CRYBG2: variants seen among roughly 807,000 people sequenced by gnomAD.
The protein encoded by CRYBG2 is beta/gamma crystallin domain-containing protein 2.
A neutral mutation model predicts 153.4 loss-of-function variants in CRYBG2; 106 were observed. The observed-to-expected ratio is 0.69, with a 90% CI of 0.59 to 0.81. CRYBG2 has a LOEUF of 0.81. Among genes scored for constraint, CRYBG2 ranks in the 30% least tolerant of loss-of-function variants. The pLI, the probability that CRYBG2 is intolerant of heterozygous loss-of-function variation, is 0.00. For synonymous variants in CRYBG2, 851 were observed against 877.8 expected, an observed-to-expected ratio of 0.97 and a Z score of 0.54; for missense variants, 1,996 against 2,112.0, an observed-to-expected ratio of 0.95 and a Z score of 1.08.
At chr1:26,332,306 CAAAAAAA>C (rs567865951) in intron 14 of CRYBG2, among the ~76,000 whole-genome samples, 3 of 71,466 alleles carry the variant, frequency 4.2e-5, no homozygotes, top group East Asian at 4.1e-4. Context: ...GACTCCGTGT[CAAAAAAA>C]AAAAAAAAAA....
At position 26,343,442 on chromosome 1, in the gene CRYBG2, A is replaced by C; in HGVS notation, c.2914-149T>G. 2.9e-6 allele frequency: 3 copies of C among 1,026,014 alleles called. No individual in the cohort carries two copies. Among genetic ancestry groups the C allele is most frequent in the Admixed American group, 2.1e-5 (1 of 48,414 alleles). 63.6% of individuals were successfully genotyped at this position (1,026,014 alleles called of 1,614,324 possible). A position where few individuals can be genotyped will look rare whatever the true frequency, so the allele number is the denominator to read the frequency against. On this transcript the variant is annotated intron_variant, in intron 2 of 19. Coordinates refer to ENST00000308182, the MANE Select transcript of CRYBG2 (RefSeq NM_001039775.4). The surrounding 1 kb of genome is among the most constrained non-coding windows in gnomAD (Gnocchi z 4.1). ...TAGAGGATGCTCACACTTGTTCCCA[A>C]CCCCCAAGGGCCTCATCACCCTGTC... is the stretch of plus-strand genomic sequence containing the variant.
rs1438234399 is a variant in CRYBG2, at chr1:26,339,440, A to C, written c.3205-11T>G. On this transcript the variant is annotated splice_polypyrimidine_tract_variant and intron_variant, in intron 5 of 19. Coordinates refer to ENST00000308182, the MANE Select transcript of CRYBG2 (RefSeq NM_001039775.4). Reference sequence around the variant, plus strand: ...CGGGGTGCTGTAGTCCTGTGGAAGGAGGGGGAAAATTAAATATAGATAAAC... The same window carrying C: ...CGGGGTGCTGTAGTCCTGTGGAAGGCGGGGGAAAATTAAATATAGATAAAC... 6.2e-7 allele frequency: 1 copy of C among 1,613,422 alleles called. No homozygotes were observed. Among genetic ancestry groups the C allele is most frequent in the East Asian group, 2.2e-5 (1 of 44,880 alleles).
rs546329526 is a variant in CRYBG2 at position 26,329,080 on chromosome 1, G to C, written c.4315-207C>G. ...CAGTAAGCGCTAGGCTGGGTCCCCA[G>C]TTTCCCCCTCAAACCTCCTCTCCAG... On this transcript the variant is annotated intron_variant, in intron 15 of 19. Coordinates refer to ENST00000308182, the MANE Select transcript of CRYBG2 (RefSeq NM_001039775.4). Among the ~76,000 whole-genome samples, 11 of 151,106 alleles carry C rather than the reference G, an allele frequency of 7.3e-5. No homozygotes were observed. The East Asian group carries it at 2.1e-3, about 29-fold the overall frequency.
chr1:26,352,054 G>A (rs566917840), intron 1 of CRYBG2, among the ~76,000 whole-genome samples: 73 of 152,132 alleles, frequency 4.8e-4, no homozygotes, highest in African/African-American at 7.7e-4. Context: ...AGGAGGGGGC[G>A]GGGGGAGTGT....
At chr1:26,348,889 C>T (rs2074256073) in intron 1 of CRYBG2, among the ~76,000 whole-genome samples, 1 of 142,794 alleles carries the variant, frequency 7.0e-6, no homozygotes, top group South Asian at 2.6e-4. Context: ...AAAAATAAGG[C>T]TGGGTGCGGT....
Position 26,337,636 on chromosome 1 carries a change from G to C in CRYBG2, c.3546C>G (p.Ser1182Arg), listed in dbSNP as rs754909336. 1 of 1,612,886 alleles carries C rather than the reference G, an allele frequency of 6.2e-7. No homozygotes were observed. The change falls in exon 9 of 20, where the codon AGC (serine) becomes AGG (arginine). Residue 1182 changes from serine to arginine, a missense_variant. Transcript: ENST00000308182. ...VYEAPGFQGR[S>R]WEVSRDIYNL... ...TGTAGATGTCTCGGCTCACTTCCCA[G>C]CTGCGGCCCTGAAAGCCTGGGGCCT...
intron 15 of CRYBG2, among the ~76,000 whole-genome samples, chr1:26,329,173 C>CTT (rs35855833): frequency 0.018 from 1,748 of 98,576 alleles, 86 homozygotes; most frequent in African/African-American, 0.031. Context: ...TTATTCTAGG[C>CTT]TTTTTTTTTT....
rs757327654 is a variant in CRYBG2 at position 26,336,831 on chromosome 1, G to C, written c.3911+10C>G. ...GGGCCCGCCCCGCTCCCGGAGCCCG[G>C]GTCACTTACACGCCGCTGAGCACGT... On this transcript the variant is annotated intron_variant, in intron 11 of 19. Transcript: ENST00000308182. The surrounding 1 kb of genome is among the most constrained non-coding windows in gnomAD (Gnocchi z 4.9). 1 of 1,581,634 alleles carries C rather than the reference G, an allele frequency of 6.3e-7. No individual in the cohort carries two copies.
In CRYBG2 at chr1:26,336,035, C is replaced by T; in HGVS notation, c.4184+60G>A. The T allele has an allele frequency of 7.6e-7, 1 of 1,310,628 alleles. No individual in the cohort carries two copies. Among genetic ancestry groups the T allele is most frequent in the Non-Finnish European group, 1.0e-6 (1 of 975,280 alleles). The allele number at this position is 1,310,628 out of a possible 1,614,324, so 81.2% of individuals were successfully genotyped here. ...GGAAGGAAATCATTTGAAAGACTCT[C>T]CTCCTGCAGCCCCGCCTCTGCCCCA... On this transcript the variant is annotated intron_variant, in intron 14 of 19. Transcript: ENST00000308182. This position sits in a 1 kb window ranked among gnomAD's most constrained non-coding sequence, Gnocchi z 4.9.
chr1:26,339,483 C>T (rs943986445), intron 5 of CRYBG2, 54 bp from the exon 6 acceptor site: 5 of 1,598,762 alleles, frequency 3.1e-6, no homozygotes, highest in Non-Finnish European at 4.3e-6. Context: ...CGTGGTGGCT[C>T]ACGCCTGTAA....
At chr1:26,334,277 T>G (rs1437725835) in intron 14 of CRYBG2, among the ~76,000 whole-genome samples, 4 of 152,112 alleles carry the variant, frequency 2.6e-5, no homozygotes, top group African/African-American at 9.6e-5. Flanking sequence ...GTTAAAAAAT[T>G]AGCCGGGCGC....
At position 26,345,912 on chromosome 1, in the gene CRYBG2, G is replaced by A. The variant is rs771202101; in HGVS notation, c.746C>T (p.Pro249Leu). Residue 249 changes from proline to leucine, a missense_variant, in exon 2 of 20, where the codon CCT becomes CTT. By Grantham distance (98) the Pro-to-Leu change is moderately conservative. Coordinates refer to ENST00000308182, the MANE Select transcript of CRYBG2 (RefSeq NM_001039775.4). ...SNLVPAGHSP[P>L]ASHLPRPTAG... ...CGTGGGCCTGGGCAGGTGACTGGCA[G>A]GGGGGCTGTGCCCAGCAGGCACGAG... The A allele has an allele frequency of 8.1e-6, 13 of 1,597,036 alleles. No homozygotes were observed. Among genetic ancestry groups the A allele is most frequent in the Middle Eastern group, 1.6e-4 (1 of 6,072 alleles).
At position 26,343,640 on chromosome 1, in the gene CRYBG2, C is replaced by G. The variant is rs1001413232; in HGVS notation, c.2913+105G>C. ...ACTGAACCAGACTTCAGACAGAAGCCTCTGCCCCCAGACTCTGACTCCCAG... is the reference window on the plus strand; with the variant it reads ...ACTGAACCAGACTTCAGACAGAAGCGTCTGCCCCCAGACTCTGACTCCCAG... On this transcript the variant is annotated intron_variant, in intron 2 of 19. Transcript: ENST00000308182. The surrounding 1 kb of genome is among the most constrained non-coding windows in gnomAD (Gnocchi z 4.1). 8.9e-6 allele frequency: 12 copies of G among 1,354,856 alleles called. No individual in the cohort carries two copies. In the African/African-American group the frequency reaches 1.5e-4, roughly 17 times the overall value. 83.9% of individuals were successfully genotyped at this position (1,354,856 alleles called of 1,614,324 possible).
At position 26,346,939 on chromosome 1, in the gene CRYBG2, G is replaced by T. The variant is rs914655406; in HGVS notation, c.-55-227C>A. 1.3e-5 allele frequency among the ~76,000 whole-genome samples: 2 copies of T among 152,180 alleles called. No homozygotes were observed. The highest frequency in any genetic ancestry group is 2.9e-5 in the Non-Finnish European group (2 of 68,024). On this transcript the variant is annotated intron_variant, in intron 1 of 19. Transcript: ENST00000308182. This position sits in a 1 kb window ranked among gnomAD's most constrained non-coding sequence, Gnocchi z 4.9. ...TCCCTGACTTTCAGGTGATCTCCTA[G>T]GTCAGGGTCCTTCAAAGGTGAAGCT...
chr1:26,346,094 C>T lies in CRYBG2; in HGVS notation c.564G>A (p.Val188=). Residue 188 remains valine, a synonymous_variant, in exon 2 of 20, where the codon GTG becomes GTA. Transcript: ENST00000308182. This position sits in a 1 kb window ranked among gnomAD's most constrained non-coding sequence, Gnocchi z 4.9. ...TCACAGAGCTGCTCATCCGCCGGTC[C>T]ACATGACCTCCCACCACTGTGGTGG... ...VRTTTVVGGH[V]DRRMSSSVTV... The T allele has an allele frequency of 1.3e-6, 2 of 1,575,708 alleles. No homozygotes were observed. The highest frequency in any genetic ancestry group is 1.7e-6 in the Non-Finnish European group (2 of 1,165,372).
intron 1 of CRYBG2, among the ~76,000 whole-genome samples, chr1:26,349,934 C>A (rs1319761626): frequency 6.6e-6 from 1 of 151,692 alleles, no homozygotes; most frequent in Non-Finnish European, 1.5e-5. Context: ...CCCACCTCAG[C>A]CCACCGAGTA....
chr1:26,340,107 C>T (rs1257528255), intron 5 of CRYBG2, among the ~76,000 whole-genome samples: 1 of 152,224 alleles, frequency 6.6e-6, no homozygotes, highest in Non-Finnish European at 1.5e-5. Flanking sequence ...GGTACGGTTC[C>T]TGCCTCTGTC....
At chr1:26,347,284 GTTTTTTTT>G (rs1198055868) in intron 1 of CRYBG2, among the ~76,000 whole-genome samples, 2 of 73,876 alleles carry the variant, frequency 2.7e-5, no homozygotes, top group East Asian at 4.7e-4. Flanking sequence ...CTCCCCCTGC[GTTTTTTTT>G]TTTTTTTTTT....
chr1:26,334,518 A>G (rs2074031324), intron 14 of CRYBG2, among the ~76,000 whole-genome samples: 1 of 152,264 alleles, frequency 6.6e-6, no homozygotes, highest in Admixed American at 6.5e-5. Context: ...ATTGTATATT[A>G]GGTTGGTGAC....
Sources: gnomAD v4.1 joint callset for allele counts (sites outside exome capture counted in the v4.1 genomes callset) on GRCh38, gnomAD v4.1.1 for gene constraint, Gnocchi (gnomAD v3.1) non-coding constraint, MANE v1.5 for transcripts, NCBI Gene and HGNC (gene_info 2026-07-23, HGNC 2026-07-21) for gene names.